The following TLN2 variants were observed in gnomAD, a reference collection of about 807,000 sequenced individuals.
TLN2 encodes talin-2.
Under a neutral mutation model 294.7 loss-of-function variants are expected in TLN2, and 118 were observed. The ratio of observed to expected loss-of-function variants is 0.40; its 90% CI spans 0.34 to 0.47. TLN2 has a LOEUF of 0.47. TLN2 is among the 20% of genes least tolerant of loss of function. The pLI, the probability that TLN2 is intolerant of heterozygous loss-of-function variation, is 0.84. For missense variants in TLN2, 3,083 were observed against 3,282.2 expected, an observed-to-expected ratio of 0.94 and a Z score of 1.48; for synonymous variants, 1,431 against 1,304.5, an observed-to-expected ratio of 1.10 and a Z score of -2.09.
At chr15:62,639,462 G>A (rs2050756507) in intron 3 of TLN2, among the ~76,000 whole-genome samples, 1 of 152,178 alleles carries the variant, frequency 6.6e-6, no homozygotes, top group African/African-American at 2.4e-5. Context: ...TAGCACTTGA[G>A]TTTTAACGAT....
At chr15:62,408,435 C>T (rs1291881092) in intron 1 of TLN2, among the ~76,000 whole-genome samples, 2 of 152,160 alleles carry the variant, frequency 1.3e-5, no homozygotes, top group Non-Finnish European at 2.9e-5. Context: ...AGCTGCTGGT[C>T]AGAGGACCAC....
intron 8 of TLN2, among the ~76,000 whole-genome samples, chr15:62,657,158 G>GC (rs926095206): frequency 2.0e-5 from 3 of 151,156 alleles, no homozygotes; most frequent in Non-Finnish European, 3.0e-5. Flanking sequence ...AAAGGTGGGG[G>GC]GGGGAAGCAA....
intron 3 of TLN2, among the ~76,000 whole-genome samples, chr15:62,630,892 G>A (rs978405517): frequency 3.9e-5 from 6 of 152,118 alleles, no homozygotes; most frequent in South Asian, 2.1e-4. Context: ...TCACTAAAGA[G>A]AGGGGGAGGA....
intron 19 of TLN2, among the ~76,000 whole-genome samples, chr15:62,706,136 A>T (rs1401200035): frequency 6.6e-6 from 1 of 152,226 alleles, no homozygotes; most frequent in Non-Finnish European, 1.5e-5. Flanking sequence ...TTCTGACCGT[A>T]TTTCCTTGAA....
At chr15:62,529,438 T>C (rs920684908) in intron 1 of TLN2, among the ~76,000 whole-genome samples, 1 of 151,872 alleles carries the variant, frequency 6.6e-6, no homozygotes, top group East Asian at 1.9e-4. Context: ...AAGAGAGAAA[T>C]AGGAGAGAAC....
rs746763579 is a variant in TLN2 at position 62,738,344 on chromosome 15, C to T, written c.3687+11C>T. 14 of 1,613,304 alleles carry T rather than the reference C, an allele frequency of 8.7e-6. No homozygotes were observed. The African/African-American group carries it at 1.9e-4, about 22-fold the overall frequency. On this transcript the variant is annotated intron_variant, in intron 30 of 58. Transcript: ENST00000636159. ...CTGCTTGTGGATTCGGTGAGAGGTT[C>T]TTAGATTGAGAAAGGACACTGGGGG...
At chr15:62,628,933 A>G (rs2049528648) in intron 3 of TLN2, among the ~76,000 whole-genome samples, 1 of 152,254 alleles carries the variant, frequency 6.6e-6, no homozygotes, top group African/African-American at 2.4e-5. Flanking sequence ...CTGTAATCCC[A>G]GCACTCTGGG....
intron 1 of TLN2, among the ~76,000 whole-genome samples, chr15:62,563,789 C>T (rs190100737): frequency 6.6e-6 from 1 of 152,326 alleles, no homozygotes; most frequent in East Asian, 1.9e-4. Flanking sequence ...CTGGCTTCCT[C>T]TGGGAAGCCT....
intron 1 of TLN2, among the ~76,000 whole-genome samples, chr15:62,532,124 A>G (rs1224195644): frequency 6.6e-6 from 1 of 150,944 alleles, no homozygotes; most frequent in Non-Finnish European, 1.5e-5. Flanking sequence ...AACAAGGTTC[A>G]CTATAGCCTT....
chr15:62,656,182 C>A, intron 8 of TLN2, 96 bp downstream of exon 8: 1 of 1,495,428 alleles, frequency 6.7e-7, no homozygotes, highest in South Asian at 1.2e-5. Flanking sequence ...CTGGCTTCTG[C>A]CACATTTATG....
intron 11 of TLN2, among the ~76,000 whole-genome samples, chr15:62,685,233 A>C (rs2057178416): frequency 1.3e-5 from 2 of 152,154 alleles, no homozygotes; most frequent in Non-Finnish European, 2.9e-5. Context: ...TGAATAATTT[A>C]CTTCCATAAA....
intron 2 of TLN2, among the ~76,000 whole-genome samples, chr15:62,599,622 T>C (rs531360634): frequency 6.6e-6 from 1 of 152,350 alleles, no homozygotes; most frequent in South Asian, 2.1e-4. Context: ...AAAGCCTTTT[T>C]ACCTGATCCT....
chr15:62,601,745 T>G (rs1440475755), intron 2 of TLN2, among the ~76,000 whole-genome samples: 1 of 152,182 alleles, frequency 6.6e-6, no homozygotes, highest in East Asian at 1.9e-4. Context: ...ACACTGAAAT[T>G]TATCTTGGAA....
At chr15:62,469,095 G>A (rs565751184) in intron 1 of TLN2, among the ~76,000 whole-genome samples, 132 of 152,298 alleles carry the variant, frequency 8.7e-4, no homozygotes, top group Middle Eastern at 3.4e-3. Flanking sequence ...TCTTTTCTTG[G>A]CGTGTAATTG....
At chr15:62,697,968 C>G (rs2058466965) in intron 15 of TLN2, 100 bp downstream of exon 15, 8 of 1,410,468 alleles carry the variant, frequency 5.7e-6, no homozygotes, top group Non-Finnish European at 7.6e-6. Context: ...GGAACGCTCT[C>G]TATTTCCCGG....
chr15:62,800,040 G>A (rs1250613344), intron 48 of TLN2, among the ~76,000 whole-genome samples: 1 of 152,240 alleles, frequency 6.6e-6, no homozygotes, highest in Non-Finnish European at 1.5e-5. Context: ...TTAGGAGTAA[G>A]TGGTGTTGCC....
At chr15:62,692,286 G>A (rs1390872206) in intron 12 of TLN2, among the ~76,000 whole-genome samples, 1 of 152,200 alleles carries the variant, frequency 6.6e-6, no homozygotes, top group Non-Finnish European at 1.5e-5. Flanking sequence ...CTAGAGGGCA[G>A]GGAGACACAG....
At chr15:62,706,937 A>T in intron 19 of TLN2, 149 bp from the exon 20 acceptor site, 1 of 900,308 alleles carries the variant, frequency 1.1e-6, no homozygotes, top group South Asian at 2.1e-5. Flanking sequence ...ATTACTTCTA[A>T]GGATAAGTTG....
intron 1 of TLN2, among the ~76,000 whole-genome samples, chr15:62,404,908 G>C (rs1377911886): frequency 6.6e-6 from 1 of 152,208 alleles, no homozygotes; most frequent in Non-Finnish European, 1.5e-5. Context: ...GTTAGGTTTG[G>C]TACACTCAAG....
Sources: gnomAD v4.1 joint callset for allele counts (sites outside exome capture counted in the v4.1 genomes callset) on GRCh38, gnomAD v4.1.1 for gene constraint, MANE v1.5 for transcripts, NCBI Gene and HGNC (gene_info 2026-07-23, HGNC 2026-07-21) for gene names.